GABRB1: variants seen among roughly 807,000 people sequenced by gnomAD.
The protein encoded by GABRB1 is gamma-aminobutyric acid type A receptor subunit beta1.
GABRB1 carries 17 observed loss-of-function variants against 51.6 expected under a neutral mutation model. The ratio of observed to expected loss-of-function variants is 0.33; its 90% CI spans 0.23 to 0.49. The LOEUF is 0.49. GABRB1 is among the 20% of genes least tolerant of loss of function. GABRB1 has a pLI of 0.99. For missense variants in GABRB1, 410 were observed against 600.6 expected (o/e 0.68, Z 3.32); for synonymous variants, 247 against 218.9 (o/e 1.13, Z -1.14).
chr4:47,387,042 A>G (rs1053408940), intron 5 of GABRB1, among the ~76,000 whole-genome samples: 1 of 152,358 alleles, frequency 6.6e-6, no homozygotes, highest in Middle Eastern at 3.4e-3. Flanking sequence ...TTACCAGGGA[A>G]ATCTTACAGG....
intron 4 of GABRB1, among the ~76,000 whole-genome samples, chr4:47,259,004 C>T (rs1260876057): frequency 1.3e-5 from 2 of 152,032 alleles, no homozygotes; most frequent in African/African-American, 4.8e-5. Flanking sequence ...GAATCTATTC[C>T]AGGTCATGTC....
chr4:47,136,217 C>T (rs1469192737), intron 3 of GABRB1, among the ~76,000 whole-genome samples: 1 of 152,126 alleles, frequency 6.6e-6, no homozygotes, highest in Non-Finnish European at 1.5e-5. Flanking sequence ...ATCTTGAACT[C>T]CTGGCTTCAA....
intron 8 of GABRB1, among the ~76,000 whole-genome samples, chr4:47,416,069 A>AT (rs1728906483): frequency 6.6e-6 from 1 of 152,250 alleles, no homozygotes. Context: ...TGGAGCTTAT[A>AT]TTCCAGTTGA....
chr4:47,378,406 G>C (rs1053819928), intron 5 of GABRB1, among the ~76,000 whole-genome samples: 10 of 152,140 alleles, frequency 6.6e-5, no homozygotes, highest in Non-Finnish European at 1.3e-4. Flanking sequence ...CAAGCACCGC[G>C]CGCAGCCCGG....
chr4:47,297,018 A>G (rs527542379), intron 4 of GABRB1, among the ~76,000 whole-genome samples: 1 of 152,210 alleles, frequency 6.6e-6, no homozygotes, highest in South Asian at 2.1e-4. Context: ...TACTGGGTAC[A>G]TAATGAAATG....
intron 3 of GABRB1, among the ~76,000 whole-genome samples, 191 bp from the exon 4 acceptor site, chr4:47,161,058 G>A (rs1350203223): frequency 6.6e-6 from 1 of 151,870 alleles, no homozygotes; most frequent in Admixed American, 6.6e-5. Flanking sequence ...CTCCCAAATT[G>A]CTGGAATTAC....
intron 1 of GABRB1, among the ~76,000 whole-genome samples, chr4:47,021,066 CA>C (rs1724916859): frequency 6.6e-6 from 1 of 152,162 alleles, no homozygotes; most frequent in Non-Finnish European, 1.5e-5. Flanking sequence ...CCTTTTTATA[CA>C]GGTCTTCCTT....
At chr4:47,076,695 C>G (rs991191230) in intron 3 of GABRB1, among the ~76,000 whole-genome samples, 1 of 152,138 alleles carries the variant, frequency 6.6e-6, no homozygotes, top group East Asian at 1.9e-4. Context: ...ACCTGATAGG[C>G]CTAACTCTGT....
At chr4:47,300,136 G>T (rs1259629797) in intron 4 of GABRB1, among the ~76,000 whole-genome samples, 1 of 151,460 alleles carries the variant, frequency 6.6e-6, no homozygotes, top group Non-Finnish European at 1.5e-5. Context: ...ATATACCTAA[G>T]GCTAAATGAC....
intron 4 of GABRB1, among the ~76,000 whole-genome samples, chr4:47,247,506 C>G (rs1286263115): frequency 4.6e-5 from 7 of 151,966 alleles, no homozygotes; most frequent in Non-Finnish European, 8.8e-5. Flanking sequence ...TATGCAAGCT[C>G]TTTTTTGGTT....
chr4:47,129,943 C>T (rs909536758), intron 3 of GABRB1, among the ~76,000 whole-genome samples: 3 of 152,090 alleles, frequency 2.0e-5, no homozygotes, highest in African/African-American at 7.2e-5. Flanking sequence ...ATATAATCTG[C>T]CTTTACTTTT....
intron 1 of GABRB1, among the ~76,000 whole-genome samples, chr4:47,022,996 A>G (rs1724970943): frequency 6.6e-6 from 1 of 150,740 alleles, no homozygotes; most frequent in South Asian, 2.2e-4. Flanking sequence ...TCAGCCATAA[A>G]AAAGAATGAG....
At chr4:47,307,854 G>T (rs1459407555) in intron 4 of GABRB1, among the ~76,000 whole-genome samples, 7 of 151,812 alleles carry the variant, frequency 4.6e-5, no homozygotes, top group Non-Finnish European at 1.0e-4. Flanking sequence ...CATTCTGTTA[G>T]TAATTAAAAA....
intron 5 of GABRB1, among the ~76,000 whole-genome samples, chr4:47,359,430 C>T (rs7664341): frequency 0.45 from 67,610 of 151,854 alleles, 15,667 homozygotes; most frequent in Non-Finnish European, 0.5. Context: ...ATACATACAT[C>T]AGTTCATTTA....
At chr4:47,085,264 T>C (rs1005061685) in intron 3 of GABRB1, among the ~76,000 whole-genome samples, 2 of 152,182 alleles carry the variant, frequency 1.3e-5, no homozygotes, top group Non-Finnish European at 2.9e-5. Flanking sequence ...TCACCAAATA[T>C]ACAATATTTT....
chr4:47,019,888 A>ATATGTATATG (rs1724874915), intron 1 of GABRB1, among the ~76,000 whole-genome samples: 1 of 139,684 alleles, frequency 7.2e-6, no homozygotes, highest in African/African-American at 2.7e-5. Flanking sequence ...TATATATATA[A>ATATGTATATG]TATATGTATA....
At chr4:47,401,951 G>T (rs1479116209) in intron 5 of GABRB1, among the ~76,000 whole-genome samples, 3 of 152,076 alleles carry the variant, frequency 2.0e-5, no homozygotes, top group Non-Finnish European at 4.4e-5. Context: ...TTTAGAATCA[G>T]TCTTACAGAA....
At chr4:47,031,765 T>G (rs377115389) in intron 1 of GABRB1, 34 bp downstream of exon 1, 147 of 1,576,640 alleles carry the variant, frequency 9.3e-5, no homozygotes, top group Non-Finnish European at 1.2e-4. Context: ...GCTCTCTCTC[T>G]CTCTCTCTCT....
intron 3 of GABRB1, chr4:47,032,779 T>A (rs1171002455): frequency 6.6e-6 from 4 of 610,592 alleles, no homozygotes; most frequent in Admixed American, 2.1e-5. Context: ...TTTAGCTGGG[T>A]TTCCCTGCGT....
Sources: gnomAD v4.1 joint callset for allele counts (sites outside exome capture counted in the v4.1 genomes callset) on GRCh38, gnomAD v4.1.1 for gene constraint, MANE v1.5 for transcripts, NCBI Gene and HGNC (gene_info 2026-07-23, HGNC 2026-07-21) for gene names.